RASGRP3: variants seen among roughly 807,000 people sequenced by gnomAD.
RASGRP3 encodes the protein ras guanyl-releasing protein 3.
Under a neutral mutation model 82.7 loss-of-function variants are expected in RASGRP3, and 54 were observed. The ratio of observed to expected loss-of-function variants is 0.65; its 90% CI spans 0.52 to 0.82. The LOEUF (loss-of-function observed/expected upper bound fraction) is 0.82. Ranked by LOEUF, RASGRP3 falls within the 40% of genes least tolerant of loss-of-function variation. The pLI, the probability that RASGRP3 is intolerant of heterozygous loss-of-function variation, is 0.00. For missense variants in RASGRP3, 861 were observed against 828.9 expected, an observed-to-expected ratio of 1.04 and a Z score of -0.48; for synonymous variants, 309 against 300.5, an observed-to-expected ratio of 1.03 and a Z score of -0.29.
intron 12 of RASGRP3, among the ~76,000 whole-genome samples, chr2:33,542,993 G>A (rs986450270): frequency 1.3e-4 from 20 of 152,024 alleles, no homozygotes; most frequent in African/African-American, 3.4e-4. Flanking sequence ...GCGCCCAGCC[G>A]AAGTTTTATT....
At chr2:33,548,189 G>A (rs1674994107) in intron 13 of RASGRP3, among the ~76,000 whole-genome samples, 2 of 151,754 alleles carry the variant, frequency 1.3e-5, no homozygotes, top group Non-Finnish European at 2.9e-5. Flanking sequence ...GTGAAACCCC[G>A]TCTCTACTAA....
chr2:33,536,900 A>C (rs1346631047), intron 11 of RASGRP3, among the ~76,000 whole-genome samples: 1 of 152,168 alleles, frequency 6.6e-6, no homozygotes, highest in African/African-American at 2.4e-5. Context: ...CCAAGACAGC[A>C]TCTAGGGGTG....
At chr2:33,515,381 C>T (rs1671355366) in intron 3 of RASGRP3, among the ~76,000 whole-genome samples, 175 bp downstream of exon 3, 1 of 152,162 alleles carries the variant, frequency 6.6e-6, no homozygotes, top group Admixed American at 6.5e-5. Context: ...ATTTCTTTCC[C>T]TTTACTGCCC....
chr2:33,508,167 T>C (rs969212323), intron 1 of RASGRP3, among the ~76,000 whole-genome samples: 45 of 151,972 alleles, frequency 3.0e-4, no homozygotes, highest in African/African-American at 1.1e-3. Context: ...GAGAAACAAG[T>C]TTGTGGGAGG....
At chr2:33,539,854 G>A (rs548260951) in intron 12 of RASGRP3, 1 of 152,412 alleles carries the variant, frequency 6.6e-6, no homozygotes, top group South Asian at 2.1e-4. Context: ...CGGGCGCGAT[G>A]GCGGGCGCCT....
intron 1 of RASGRP3, among the ~76,000 whole-genome samples, chr2:33,499,236 C>A (rs753694585): frequency 6.6e-6 from 1 of 152,092 alleles, no homozygotes; most frequent in Non-Finnish European, 1.5e-5. Context: ...CTGGCTTTGT[C>A]CAGACACCTA....
At chr2:33,556,928 C>CACACACACACATACAT (rs1553366467) in intron 15 of RASGRP3, among the ~76,000 whole-genome samples, 1,784 of 148,376 alleles carry the variant, frequency 0.012, 34 homozygotes, top group African/African-American at 0.023. Flanking sequence ...CACACACACA[C>CACACACACACATACAT]GCAATTTTAT....
intron 16 of RASGRP3, 46 bp from the exon 17 acceptor site, chr2:33,558,626 T>A: frequency 1.3e-6 from 2 of 1,487,184 alleles, no homozygotes; most frequent in Non-Finnish European, 1.8e-6. Context: ...TGCTTTGCTG[T>A]CAAGCAGTCA....
chr2:33,508,593 A>T (rs1466132360), intron 1 of RASGRP3, among the ~76,000 whole-genome samples: 1 of 152,190 alleles, frequency 6.6e-6, no homozygotes. Context: ...GGCAACTTCC[A>T]TTTACTCTAA....
intron 2 of RASGRP3, among the ~76,000 whole-genome samples, chr2:33,466,246 C>T (rs1666687611): frequency 6.6e-6 from 1 of 152,194 alleles, no homozygotes; most frequent in Non-Finnish European, 1.5e-5. Flanking sequence ...AAATTGAAAT[C>T]CTTCTGGAAA....
intron 4 of RASGRP3, among the ~76,000 whole-genome samples, chr2:33,519,650 A>C (rs1023223228): frequency 6.6e-6 from 1 of 152,232 alleles, no homozygotes; most frequent in Admixed American, 6.5e-5. Flanking sequence ...TTAATTATGT[A>C]TAGTTGCCAG....
intron 1 of RASGRP3, among the ~76,000 whole-genome samples, chr2:33,488,120 G>A (rs966662701): frequency 6.6e-6 from 1 of 152,140 alleles, no homozygotes; most frequent in Non-Finnish European, 1.5e-5. Flanking sequence ...ATTTATGAAA[G>A]CAAGAAACTG....
intron 14 of RASGRP3, 62 bp from the exon 15 acceptor site, chr2:33,555,469 G>C: frequency 1.4e-6 from 2 of 1,434,976 alleles, no homozygotes; most frequent in Non-Finnish European, 1.9e-6. Context: ...CTTTTCAGTG[G>C]CCTTGTTTTC....
chr2:33,549,721 G>C lies in RASGRP3; in HGVS notation c.1512G>C (p.Lys504Asn). Residue 504 changes from lysine to asparagine, a missense_variant, in exon 14 of 18, where the codon AAG (lysine) becomes AAC (asparagine). Transcript: ENST00000403687. ...ATTTTCAGGAGATGACCTATCTCAA[G>C]CCAACCTTCTGCGAACACTGTGCGG... ...IHNFQEMTYL[K>N]PTFCEHCAGF... The C allele has an allele frequency of 6.2e-7, 1 of 1,613,988 alleles. No homozygotes were observed. The highest frequency in any genetic ancestry group is 8.5e-7 in the Non-Finnish European group (1 of 1,179,890).
At chr2:33,469,247 CATTTT>C (rs573206179) in intron 2 of RASGRP3, among the ~76,000 whole-genome samples, 560 of 152,102 alleles carry the variant, frequency 3.7e-3, no homozygotes, top group African/African-American at 0.013. Context: ...TTTTGAATCT[CATTTT>C]ATTATTTGTA....
intron 1 of RASGRP3, among the ~76,000 whole-genome samples, chr2:33,506,243 CCT>C (rs1670363485): frequency 6.6e-6 from 1 of 152,150 alleles, no homozygotes; most frequent in African/African-American, 2.4e-5. Flanking sequence ...GAATAACAAA[CCT>C]TTGTTCTGGA....
In RASGRP3 at chr2:33,537,320, AC is replaced by A. The variant is rs1266542679; in HGVS notation, c.1162-1772del. Reference sequence around the variant, plus strand: ...GTCTCTAAAATACACACACACACACACCGCCCCCCCCACACACACACACAAG... The same window carrying A: ...GTCTCTAAAATACACACACACACACACGCCCCCCCCACACACACACACAAG... On this transcript the variant is annotated intron_variant, in intron 11 of 17. Transcript: ENST00000403687. Among the ~76,000 whole-genome samples the A allele has an allele frequency of 1.1e-3, 38 of 33,340 alleles. 5 individuals carry two copies. The highest frequency in any genetic ancestry group is 5.3e-3 in the African/African-American group (36 of 6,792). 21.9% of individuals were successfully genotyped at this position (33,340 alleles called of 152,430 possible). A position where few individuals can be genotyped will look rare whatever the true frequency, so the allele number is the denominator to read the frequency against.
At chr2:33,476,771 G>GTGTGTGTGTGTGTGTGTT (rs1667417626) in intron 1 of RASGRP3, 64 bp downstream of exon 1, 1 of 150,612 alleles carries the variant, frequency 6.6e-6, no homozygotes, top group Non-Finnish European at 1.5e-5. Flanking sequence ...GTGTGTGTGT[G>GTGTGTGTGTGTGTGTGTT]TGTGTGTGTG....
intron 1 of RASGRP3, among the ~76,000 whole-genome samples, chr2:33,494,675 A>G (rs756392725): frequency 4.6e-5 from 7 of 152,214 alleles, no homozygotes; most frequent in Non-Finnish European, 7.3e-5. Flanking sequence ...TTTTTTTCTC[A>G]GGTAGCCCAA....
Sources: allele counts gnomAD v4.1 joint callset (sites outside exome capture counted in the v4.1 genomes callset), GRCh38; gene constraint gnomAD v4.1.1; transcripts MANE v1.5; gene names NCBI Gene and HGNC (gene_info 2026-07-23, HGNC 2026-07-21).